DHRS12: variants seen among roughly 807,000 people sequenced by gnomAD.
DHRS12 encodes the protein dehydrogenase/reductase SDR family member 12.
Under a neutral mutation model 32.1 loss-of-function variants are expected in DHRS12, and 29 were observed. The ratio of observed to expected loss-of-function variants is 0.90; its 90% CI spans 0.67 to 1.23. The LOEUF is 1.23. Ranked by LOEUF, DHRS12 falls within the 50% of genes most tolerant of loss-of-function variation. The pLI is 0.00. For synonymous variants in DHRS12, 150 were observed against 135.9 expected, an observed-to-expected ratio of 1.10 and a Z score of -0.72; for missense variants, 330 against 337.2, an observed-to-expected ratio of 0.98 and a Z score of 0.17.
At position 51,768,555 on chromosome 13, in the gene DHRS12, C is replaced by T. The variant is rs1211182898; in HGVS notation, c.698-259G>A. 16 of 1,338,810 alleles carry T rather than the reference C, an allele frequency of 1.2e-5. 1 individual carries two copies. The East Asian group carries it at 1.8e-4, about 15-fold the overall frequency. 82.9% of individuals were successfully genotyped at this position (1,338,810 alleles called of 1,614,324 possible). On this transcript the variant is annotated intron_variant, in intron 8 of 8. Coordinates refer to ENST00000444610, the MANE Select transcript of DHRS12 (RefSeq NM_001377533.1). The stretch of plus-strand genomic sequence containing the variant: ...TTTGGGTGATCAGCAGGAAGGGGTG[C>T]GGCCATCCTCCCGGATACCCCAGGG...
Position 51,769,293 on chromosome 13 carries a change from C to G in DHRS12, c.560G>C (p.Gly187Ala). 6.4e-7 allele frequency: 1 copy of G among 1,564,050 alleles called. No individual in the cohort carries two copies. The highest frequency in any genetic ancestry group is 8.7e-7 in the Non-Finnish European group (1 of 1,153,142). ...SMHPGWADTP[G>A]VRQAMPGFHA... ...GAACCCCGGCATCGCCTGCCTCACA[C>G]CTGGGAGAAGGAAGGGTCAGGCGGA... is the stretch of plus-strand genomic sequence containing the variant. Residue 187 changes from glycine (G) to alanine (A), a missense_variant and splice_region_variant, in exon 8 of 9, where the codon GGT becomes GCT. By Grantham distance (60) the Gly-to-Ala change is moderately conservative (BLOSUM62 0). Coordinates refer to ENST00000444610, the MANE Select transcript of DHRS12 (RefSeq NM_001377533.1).
In DHRS12 at chr13:51,773,928, AC is replaced by A. The variant is rs1458324001; in HGVS notation, c.468+1del. 1 of 1,613,564 alleles carries A rather than the reference AC, an allele frequency of 6.2e-7. No homozygotes were observed. Among genetic ancestry groups the A allele is most frequent in the Non-Finnish European group, 8.5e-7 (1 of 1,179,656 alleles). ...CAGTCTCAGGAAACCCACCTCACTG[AC>A]CTTGTTTTGTGCATAGACCATAGTT... On this transcript the variant is annotated splice_donor_variant, in intron 6 of 8. Transcript: ENST00000444610. LOFTEE classifies it high-confidence loss of function.
chr13:51,791,960 G>A (rs776435918), intron 2 of DHRS12, among the ~76,000 whole-genome samples: 7 of 152,238 alleles, frequency 4.6e-5, no homozygotes, highest in Non-Finnish European at 1.0e-4. Flanking sequence ...ATTCCAATGT[G>A]TGTAGGTATG....
At chr13:51,788,695 T>A (rs972242099) in intron 4 of DHRS12, among the ~76,000 whole-genome samples, 10 of 151,740 alleles carry the variant, frequency 6.6e-5, no homozygotes, top group Admixed American at 6.6e-4. Flanking sequence ...CAACAAAAAA[T>A]TTTTAATTAA....
intron 4 of DHRS12, among the ~76,000 whole-genome samples, chr13:51,785,399 G>A (rs1020053188): frequency 9.9e-5 from 15 of 151,104 alleles, no homozygotes; most frequent in African/African-American, 3.2e-4. Flanking sequence ...TTCTCTCCTC[G>A]CCACCTCTGT....
rs1954754611 is a variant in DHRS12, at chr13:51,782,382, A to G, written c.302-5261T>C. Among the ~76,000 whole-genome samples the G allele has an allele frequency of 1.3e-5, 2 of 152,158 alleles. No individual in the cohort carries two copies. Among genetic ancestry groups the G allele is most frequent in the African/African-American group, 2.4e-5 (1 of 41,442 alleles). On this transcript the variant is annotated intron_variant, in intron 4 of 8. Coordinates refer to ENST00000444610, the MANE Select transcript of DHRS12 (RefSeq NM_001377533.1). The surrounding 1 kb of genome is among the most constrained non-coding windows in gnomAD (Gnocchi z 4.2). ...ACGCTGCAGCTGGCTAAGGAGGTTG[A>G]GAAGGAGCCAACCTCCGAGGGTGGA...
chr13:51,797,241 T>C (rs1955548957), intron 2 of DHRS12, among the ~76,000 whole-genome samples: 1 of 152,246 alleles, frequency 6.6e-6, no homozygotes, highest in South Asian at 2.1e-4. Context: ...CTTGGTTTAA[T>C]GTCCTGCCTT....
chr13:51,757,097 G>C, the DHRS12 span, among the ~76,000 whole-genome samples: 1 of 152,182 alleles, frequency 6.6e-6, no homozygotes, highest in African/African-American at 2.4e-5. Context: ...ACTTACAGGA[G>C]GATCTGCAGG....
chr13:51,789,624 G>A (rs904615097), intron 4 of DHRS12: 25 of 985,278 alleles, frequency 2.5e-5, no homozygotes, highest in Non-Finnish European at 2.9e-5. Context: ...TAGCCAATGC[G>A]CTTCTTGGTC....
Position 51,803,319 on chromosome 13 carries a change from A to C in DHRS12, c.-9+735T>G, listed in dbSNP as rs143989313. Among the ~76,000 whole-genome samples, 15 of 152,310 alleles carry C rather than the reference A, an allele frequency of 9.8e-5. No individual in the cohort carries two copies. The East Asian group carries it at 2.7e-3, about 27-fold the overall frequency. On this transcript the variant is annotated intron_variant, in intron 1 of 8. Coordinates refer to ENST00000444610, the MANE Select transcript of DHRS12 (RefSeq NM_001377533.1). ...CCCCTGTGCAGATCCACTAAATCAG[A>C]ATCTGTAGGGATGGGGCCTGAAAAC...
Position 51,782,316 on chromosome 13 carries a change from T to C in DHRS12, c.302-5195A>G, listed in dbSNP as rs1034749250. On this transcript the variant is annotated intron_variant, in intron 4 of 8. Transcript: ENST00000444610. The surrounding 1 kb of genome is among the most constrained non-coding windows in gnomAD (Gnocchi z 4.2). ...TGGGAGGAGAAAGGAGGGCACAGGATTGGTCTGGGAGGGATGCCAACATTT... is the reference window on the plus strand; with the variant it reads ...TGGGAGGAGAAAGGAGGGCACAGGACTGGTCTGGGAGGGATGCCAACATTT... Among the ~76,000 whole-genome samples the C allele has an allele frequency of 6.6e-6, 1 of 151,978 alleles. No individual in the cohort carries two copies. Among genetic ancestry groups the C allele is most frequent in the Non-Finnish European group, 1.5e-5 (1 of 67,986 alleles).
downstream of DHRS12, chr13:51,763,285 T>G (rs1953647072): frequency 6.6e-6 from 1 of 152,290 alleles, no homozygotes; most frequent in Admixed American, 6.5e-5. Flanking sequence ...AAAGCATATA[T>G]GACAGTTTTT....
chr13:51,768,495 G>A (rs1426892186), intron 8 of DHRS12, 199 bp from the exon 9 acceptor site: 1 of 1,420,226 alleles, frequency 7.0e-7, no homozygotes, highest in Admixed American at 2.9e-5. Context: ...TTTGGGAACT[G>A]GGAGGCTGCA....
chr13:51,802,090 T>G (rs1177813225), intron 1 of DHRS12, among the ~76,000 whole-genome samples: 2 of 152,124 alleles, frequency 1.3e-5, no homozygotes, highest in Admixed American at 1.3e-4. Context: ...AGACTTGTCT[T>G]TTATGTACTC....
chr13:51,764,851 A>G (rs1953698036), downstream of DHRS12: 2 of 152,312 alleles, frequency 1.3e-5, no homozygotes, highest in African/African-American at 4.8e-5. Context: ...GACTAACGCC[A>G]AAGGTGTGTT....
intron 7 of DHRS12, 34 bp from the exon 8 acceptor site, chr13:51,769,327 G>A: frequency 1.4e-6 from 2 of 1,418,756 alleles, no homozygotes; most frequent in Non-Finnish European, 9.3e-7. Flanking sequence ...GATTAGGACA[G>A]CATTCTCCAG....
the DHRS12 span, chr13:51,760,429 C>T: frequency 6.6e-6 from 1 of 152,030 alleles, no homozygotes; most frequent in African/African-American, 2.4e-5. Flanking sequence ...GTTTCTGCCT[C>T]AGTTGCCTCT....
Position 51,771,836 on chromosome 13 carries a change from A to C in DHRS12, c.544T>G (p.Trp182Gly). ...AIHFSSMHPG[W>G]ADTPGVRQAM... The stretch of plus-strand genomic sequence containing the variant: ...TATGACATACCTGGGGTGTCGGCCC[A>C]GCCAGGATGCATGGAAGAAAAATGG... Residue 182 changes from tryptophan (W) to glycine (G), a missense_variant, in exon 7 of 9, where the codon TGG (tryptophan) becomes GGG (glycine). By Grantham distance (184) the Trp-to-Gly change is radical (BLOSUM62 -2). Transcript: ENST00000444610. The C allele has an allele frequency of 6.2e-7, 1 of 1,614,162 alleles. No individual in the cohort carries two copies. Among genetic ancestry groups the C allele is most frequent in the Non-Finnish European group, 8.5e-7 (1 of 1,180,012 alleles).
At chr13:51,769,381 C>A (rs1593501371) in intron 7 of DHRS12, 88 bp from the exon 8 acceptor site, 35 of 1,049,366 alleles carry the variant, frequency 3.3e-5, no homozygotes, top group African/African-American at 5.0e-5. Context: ...AAAAAAAGTG[C>A]AAAAATGAAA....
Sources: gnomAD v4.1 joint callset for allele counts (sites outside exome capture counted in the v4.1 genomes callset) on GRCh38, gnomAD v4.1.1 for gene constraint, Gnocchi (gnomAD v3.1) non-coding constraint, MANE v1.5 for transcripts, NCBI Gene and HGNC (gene_info 2026-07-23, HGNC 2026-07-21) for gene names.